Variants in AKT3 observed in about 807,000 individuals in gnomAD.
The protein encoded by AKT3 is AKT serine/threonine kinase 3.
In AKT3, 15 loss-of-function variants were observed where a neutral mutation model predicts 65.3. That is an observed-to-expected ratio of 0.23 (90% CI 0.15 to 0.35). The LOEUF is 0.35. Among genes scored for constraint, AKT3 ranks in the 10% least tolerant of loss-of-function variants. The probability of loss-of-function intolerance (pLI) is 1.00; values close to 1 mark genes in which losing one functional copy is unlikely to be tolerated. For synonymous variants in AKT3, 206 were observed against 183.8 expected, an observed-to-expected ratio of 1.12 and a Z score of -0.98; for missense variants, 243 against 576.5, an observed-to-expected ratio of 0.42 and a Z score of 5.92.
rs186273651 is a variant in AKT3, at chr1:243,754,830, A to G, written c.47-59114T>C. Among the ~76,000 whole-genome samples, 361 of 152,286 alleles carry G rather than the reference A, an allele frequency of 2.4e-3. 3 individuals carry two copies. The highest frequency in any genetic ancestry group is 8.3e-3 in the African/African-American group (343 of 41,562). Reference sequence around the variant, plus strand: ...CAGCCCCCGGTGCCAAGAAGGCTGGAGACAGCTGACCTCACGGGCAGAAGC... The same window carrying G: ...CAGCCCCCGGTGCCAAGAAGGCTGGGGACAGCTGACCTCACGGGCAGAAGC... On this transcript the variant is annotated intron_variant, in intron 2 of 13. Transcript: ENST00000673466.
At chr1:243,644,992 A>G (rs1042277817) in intron 5 of AKT3, among the ~76,000 whole-genome samples, 6 of 152,170 alleles carry the variant, frequency 3.9e-5, no homozygotes, top group Non-Finnish European at 8.8e-5. Flanking sequence ...TCAAGTATAG[A>G]ATATTATTCT....
Position 243,664,917 on chromosome 1 carries a change from G to A in AKT3, c.173-34C>T, listed in dbSNP as rs1000524287. 6 of 1,217,120 alleles carry A rather than the reference G, an allele frequency of 4.9e-6. No individual in the cohort carries two copies. In the African/African-American group the frequency reaches 6.3e-5, roughly 13 times the overall value. 75.4% of individuals were successfully genotyped at this position (1,217,120 alleles called of 1,614,324 possible). A position where few individuals can be genotyped will look rare whatever the true frequency, so the allele number is the denominator to read the frequency against. On this transcript the variant is annotated intron_variant, in intron 3 of 13. Coordinates refer to ENST00000673466, the MANE Select transcript of AKT3 (RefSeq NM_005465.7). ...AAAATAAAATGTTTCTTTAAATATG[G>A]ATATATTTAAAACAAGAAGTAAATA...
chr1:243,497,578 G>T (rs1436505129), downstream of AKT3, among the ~76,000 whole-genome samples: 2 of 152,018 alleles, frequency 1.3e-5, no homozygotes, highest in Non-Finnish European at 2.9e-5. Context: ...AGCTCCGATA[G>T]TGATAAATTG....
rs1431068041 is a variant in AKT3 at position 243,844,685 on chromosome 1, T to C, written c.-112-1403A>G. Among the ~76,000 whole-genome samples the C allele has an allele frequency of 3.9e-5, 6 of 152,152 alleles. No individual in the cohort carries two copies. In the East Asian group the frequency reaches 1.2e-3, roughly 29 times the overall value. The stretch of plus-strand genomic sequence containing the variant: ...GTGGAGATGGGGTCCCGCTATATTG[T>C]CCACGCTGCACAAATTTTTTTAAAA... On this transcript the variant is annotated intron_variant, in intron 1 of 13. Transcript: ENST00000673466.
At chr1:243,580,458 C>T (rs1426922861) in intron 8 of AKT3, among the ~76,000 whole-genome samples, 2 of 152,152 alleles carry the variant, frequency 1.3e-5, no homozygotes, top group Admixed American at 6.5e-5. Flanking sequence ...TAAATTTGGG[C>T]ACATAAAAAC....
intron 11 of AKT3, among the ~76,000 whole-genome samples, chr1:243,548,567 T>C (rs1275545870): frequency 6.6e-6 from 1 of 152,206 alleles, no homozygotes; most frequent in African/African-American, 2.4e-5. Flanking sequence ...GACTCTCTAA[T>C]ATACAATTTA....
intron 13 of AKT3, chr1:243,489,184 G>T: frequency 6.2e-7 from 1 of 1,603,028 alleles, no homozygotes; most frequent in Non-Finnish European, 8.5e-7. Flanking sequence ...TTGGGCGGGC[G>T]TCTACAGGTG....
intron 2 of AKT3, 131 bp downstream of exon 2, chr1:243,842,994 A>G (rs2148477106): frequency 7.5e-6 from 7 of 929,984 alleles, no homozygotes; most frequent in East Asian, 2.6e-5. Flanking sequence ...CACGTTAAAT[A>G]TATCATTTCT....
intron 2 of AKT3, among the ~76,000 whole-genome samples, chr1:243,793,979 CT>C (rs1243418583): frequency 6.6e-6 from 1 of 152,202 alleles, no homozygotes; most frequent in African/African-American, 2.4e-5. Flanking sequence ...AGAAGTAGGA[CT>C]TGAATTCAAG....
At chr1:243,571,430 T>C (rs1425657020) in intron 9 of AKT3, among the ~76,000 whole-genome samples, 1 of 152,216 alleles carries the variant, frequency 6.6e-6, no homozygotes, top group East Asian at 1.9e-4. Context: ...ATTCTTTTCT[T>C]TAGCAGTCTT....
chr1:243,588,120 T>C (rs1052595905), intron 8 of AKT3, among the ~76,000 whole-genome samples: 1 of 152,132 alleles, frequency 6.6e-6, no homozygotes, highest in Admixed American at 6.5e-5. Flanking sequence ...GCTGAAAAGA[T>C]AAACATCAGA....
At chr1:243,760,575 G>A (rs141803204) in intron 2 of AKT3, among the ~76,000 whole-genome samples, 1,771 of 152,240 alleles carry the variant, frequency 0.012, 16 homozygotes, top group Non-Finnish European at 0.018. Flanking sequence ...GGGGTCATTT[G>A]CAGGCATAGA....
chr1:243,601,362 T>G (rs541841094), intron 8 of AKT3, among the ~76,000 whole-genome samples: 5 of 152,078 alleles, frequency 3.3e-5, no homozygotes, highest in Non-Finnish European at 7.4e-5. Flanking sequence ...CATTAGTTAT[T>G]TGAGAAATTC....
At chr1:243,690,714 G>T (rs1009425302) in intron 3 of AKT3, among the ~76,000 whole-genome samples, 1 of 151,454 alleles carries the variant, frequency 6.6e-6, no homozygotes, top group African/African-American at 2.4e-5. Context: ...CATAAATCTA[G>T]GGGAAATGTT....
intron 8 of AKT3, among the ~76,000 whole-genome samples, chr1:243,606,573 G>A (rs781777571): frequency 5.9e-5 from 9 of 152,114 alleles, no homozygotes; most frequent in Non-Finnish European, 1.0e-4. Flanking sequence ...AAGAGAACGC[G>A]GAGAAGAAAA....
At chr1:243,840,000 G>T (rs1695142802) in intron 2 of AKT3, among the ~76,000 whole-genome samples, 1 of 151,926 alleles carries the variant, frequency 6.6e-6, no homozygotes, top group Non-Finnish European at 1.5e-5. Flanking sequence ...GGCTAACACG[G>T]TGAAATCTCG....
intron 12 of AKT3, among the ~76,000 whole-genome samples, chr1:243,530,412 C>A (rs934049435): frequency 2.6e-5 from 4 of 152,106 alleles, no homozygotes; most frequent in Non-Finnish European, 5.9e-5. Context: ...ACAACGTGTT[C>A]CTGAATTACT....
chr1:243,636,945 G>C (rs1344434598), intron 6 of AKT3, among the ~76,000 whole-genome samples: 3 of 152,086 alleles, frequency 2.0e-5, no homozygotes, highest in Non-Finnish European at 4.4e-5. Flanking sequence ...CAAATAACTG[G>C]AAGTTGAAGT....
At chr1:243,556,072 TAAAC>T (rs1001905745) in intron 10 of AKT3, among the ~76,000 whole-genome samples, 4 of 152,080 alleles carry the variant, frequency 2.6e-5, no homozygotes, top group Non-Finnish European at 4.4e-5. Flanking sequence ...AATGAAAACT[TAAAC>T]AGAGCACAAA....
Sources: gnomAD v4.1 joint callset for allele counts (sites outside exome capture counted in the v4.1 genomes callset) on GRCh38, gnomAD v4.1.1 for gene constraint, MANE v1.5 for transcripts, NCBI Gene and HGNC (gene_info 2026-07-23, HGNC 2026-07-21) for gene names.